The following RNF152 variants were observed in gnomAD, a reference collection of about 807,000 sequenced individuals.
RNF152 encodes ring finger protein 152.
Under a neutral mutation model 12.7 loss-of-function variants are expected in RNF152, and 11 were observed. The ratio of observed to expected loss-of-function variants is 0.86; its 90% confidence interval spans 0.54 to 1.43. RNF152 has a LOEUF of 1.43. RNF152 is among the 40% of genes most tolerant of loss of function. RNF152 has a pLI of 0.00. For missense variants in RNF152, 255 were observed against 274.8 expected (o/e 0.93, Z 0.51); for synonymous variants, 113 against 120.3 (o/e 0.94, Z 0.40).
intron 1 of RNF152, among the ~76,000 whole-genome samples, chr18:61,818,194 G>T (rs570614413): frequency 1.8e-4 from 27 of 152,278 alleles, no homozygotes; most frequent in African/African-American, 6.3e-4. Flanking sequence ...AGGCCGAGGA[G>T]GGGGAATCGT....
chr18:61,825,197 T>A (rs1434462295), intron 1 of RNF152, among the ~76,000 whole-genome samples: 4 of 151,978 alleles, frequency 2.6e-5, no homozygotes, highest in Admixed American at 2.6e-4. Flanking sequence ...TAAACAAGAG[T>A]CCTACCCTCA....
chr18:61,844,873 A>C (rs7230629), intron 1 of RNF152, among the ~76,000 whole-genome samples: 183 of 152,028 alleles, frequency 1.2e-3, no homozygotes, highest in African/African-American at 4.0e-3. Context: ...TTTAAAACAA[A>C]AAAAAAAAAG....
chr18:61,851,662 C>T (rs750737323), intron 1 of RNF152, among the ~76,000 whole-genome samples: 6 of 152,172 alleles, frequency 3.9e-5, no homozygotes, highest in Non-Finnish European at 8.8e-5. Flanking sequence ...ACTGTCTGGA[C>T]ACCCAAATTC....
At chr18:61,870,193 G>A (rs572303492) in intron 1 of RNF152, among the ~76,000 whole-genome samples, 69 of 152,242 alleles carry the variant, frequency 4.5e-4, no homozygotes, top group Non-Finnish European at 7.1e-4. Context: ...AAGCTGTGTC[G>A]GGATGGGGGT....
intron 1 of RNF152, among the ~76,000 whole-genome samples, chr18:61,853,069 T>C (rs1911057869): frequency 6.6e-6 from 1 of 152,224 alleles, no homozygotes; most frequent in Non-Finnish European, 1.5e-5. Flanking sequence ...ATATGTAAGA[T>C]ACAATGTCAC....
At chr18:61,841,751 T>C (rs1157752470) in intron 1 of RNF152, among the ~76,000 whole-genome samples, 1 of 152,184 alleles carries the variant, frequency 6.6e-6, no homozygotes, top group Non-Finnish European at 1.5e-5. Flanking sequence ...GAAGAACTGG[T>C]CTTAGACTAG....
intron 1 of RNF152, among the ~76,000 whole-genome samples, chr18:61,873,877 C>T (rs112803661): frequency 0.044 from 6,765 of 152,224 alleles, 216 homozygotes; most frequent in Middle Eastern, 0.061. Context: ...CTTAGCTAAT[C>T]GGTACTAATT....
At chr18:61,831,368 C>T (rs1349570068) in intron 1 of RNF152, among the ~76,000 whole-genome samples, 1 of 152,220 alleles carries the variant, frequency 6.6e-6, no homozygotes, top group Non-Finnish European at 1.5e-5. Flanking sequence ...TGAGCTCCTT[C>T]CTGCTCTCTA....
chr18:61,877,986 A>G (rs1912288821), intron 1 of RNF152, among the ~76,000 whole-genome samples: 1 of 152,138 alleles, frequency 6.6e-6, no homozygotes, highest in Admixed American at 6.5e-5. Context: ...TCTCTTAGGA[A>G]CCCAGGTTCT....
At chr18:61,838,383 G>T (rs1490657538) in intron 1 of RNF152, among the ~76,000 whole-genome samples, 1 of 152,198 alleles carries the variant, frequency 6.6e-6, no homozygotes, top group Non-Finnish European at 1.5e-5. Flanking sequence ...AAAGACTCCA[G>T]AGATCAGCCC....
At position 61,811,377 on chromosome 18, in the gene RNF152, T is replaced by C. The variant is rs950162169; in HGVS notation, c.*4475A>G. The C allele has an allele frequency of 1.3e-5, 2 of 152,208 alleles. No individual in the cohort carries two copies. The highest frequency in any genetic ancestry group is 2.9e-5 in the Non-Finnish European group (2 of 68,032). The allele number at this position is 152,208 out of a possible 1,614,324, so 9.4% of individuals were successfully genotyped here. On this transcript the variant is annotated 3_prime_UTR_variant, in exon 2 of 2. Coordinates refer to ENST00000312828, the MANE Select transcript of RNF152 (RefSeq NM_173557.3). ...TAGCTAAAAAGTAATTATTGTAGCT[T>C]TAGTAAACTTCAAGTCTTTAAATTT...
At chr18:61,870,179 A>G (rs893005864) in intron 1 of RNF152, among the ~76,000 whole-genome samples, 2 of 152,192 alleles carry the variant, frequency 1.3e-5, no homozygotes, top group Non-Finnish European at 2.9e-5. Flanking sequence ...TTAGGATTAT[A>G]AAGAAGCTGT....
At chr18:61,844,158 G>GAAATTAAGAGAA (rs1910633982) in intron 1 of RNF152, among the ~76,000 whole-genome samples, 1 of 68,418 alleles carries the variant, frequency 1.5e-5, no homozygotes, top group African/African-American at 3.5e-5. Flanking sequence ...GAAAAGGAAG[G>GAAATTAAGAGAA]AAGGGAGGAA....
chr18:61,868,565 T>A (rs926343787), intron 1 of RNF152, among the ~76,000 whole-genome samples: 1 of 152,136 alleles, frequency 6.6e-6, no homozygotes, highest in Middle Eastern at 3.4e-3. Flanking sequence ...TAGCCGGGCG[T>A]CATGGCAGGC....
chr18:61,840,905 C>T (rs1223585854), intron 1 of RNF152, among the ~76,000 whole-genome samples: 1 of 152,178 alleles, frequency 6.6e-6, no homozygotes, highest in Non-Finnish European at 1.5e-5. Context: ...GAAACCACAG[C>T]TTTCTAAAAG....
At chr18:61,866,008 A>T (rs1405264093) in intron 1 of RNF152, among the ~76,000 whole-genome samples, 1 of 152,076 alleles carries the variant, frequency 6.6e-6, no homozygotes, top group Admixed American at 6.5e-5. Context: ...TGCCTCCTAA[A>T]ATTTCTCTCA....
At chr18:61,869,645 C>T (rs543730174) in intron 1 of RNF152, among the ~76,000 whole-genome samples, 1 of 152,118 alleles carries the variant, frequency 6.6e-6, no homozygotes, top group Non-Finnish European at 1.5e-5. Context: ...CAGGAAGACA[C>T]CACAGATCAT....
At chr18:61,831,129 C>A (rs545907202) in intron 1 of RNF152, among the ~76,000 whole-genome samples, 1 of 152,172 alleles carries the variant, frequency 6.6e-6, no homozygotes, top group Non-Finnish European at 1.5e-5. Context: ...TAAACCTTAA[C>A]AGCACTCAAA....
At chr18:61,825,706 C>G (rs1909629909) in intron 1 of RNF152, among the ~76,000 whole-genome samples, 1 of 152,126 alleles carries the variant, frequency 6.6e-6, no homozygotes, top group African/African-American at 2.4e-5. Context: ...CTCCAAGTAG[C>G]CAGGCTCCCT....
Sources: allele counts gnomAD v4.1 joint callset (sites outside exome capture counted in the v4.1 genomes callset), GRCh38; gene constraint gnomAD v4.1.1; transcripts MANE v1.5; gene names NCBI Gene and HGNC (gene_info 2026-07-23, HGNC 2026-07-21).